MIPOL1: variants seen among roughly 807,000 people sequenced by gnomAD.
The protein encoded by MIPOL1 is mirror-image polydactyly 1, also known as mirror-image polydactyly gene 1 protein.
A neutral mutation model predicts 60.9 loss-of-function variants in MIPOL1; 57 were observed. The ratio of observed to expected loss-of-function variants is 0.94; its 90% CI spans 0.76 to 1.17. The LOEUF (loss-of-function observed/expected upper bound fraction) is 1.17. Ranked by LOEUF, MIPOL1 falls within the 50% of genes most tolerant of loss-of-function variation. MIPOL1 has a pLI of 0.00. For missense variants in MIPOL1, 551 were observed against 511.6 expected (o/e 1.08, Z -0.74); for synonymous variants, 179 against 168.8 (o/e 1.06, Z -0.47).
At chr14:37,351,006 C>G (rs1166198654) in intron 9 of MIPOL1, among the ~76,000 whole-genome samples, 1 of 150,272 alleles carries the variant, frequency 6.7e-6, no homozygotes, top group Non-Finnish European at 1.5e-5. Context: ...GCACTGCACC[C>G]ACTAACTCAT....
intron 12 of MIPOL1, chr14:37,506,045 G>A (rs987658742): frequency 1.3e-5 from 2 of 152,032 alleles, no homozygotes; most frequent in African/African-American, 2.4e-5. Context: ...AACTTACAAG[G>A]GATGTGAAGG....
chr14:37,272,315 A>G (rs1193264102), intron 6 of MIPOL1, among the ~76,000 whole-genome samples: 1 of 151,594 alleles, frequency 6.6e-6, no homozygotes, highest in Non-Finnish European at 1.5e-5. Flanking sequence ...TTTCCTCTTT[A>G]ATATTTTACT....
intron 9 of MIPOL1, among the ~76,000 whole-genome samples, chr14:37,333,285 G>A (rs1292017438): frequency 1.3e-5 from 2 of 151,906 alleles, no homozygotes; most frequent in South Asian, 2.1e-4. Context: ...TGTGTTCATG[G>A]TATACCTTTT....
chr14:37,382,191 C>A (rs1038238097), intron 10 of MIPOL1, among the ~76,000 whole-genome samples: 1 of 151,856 alleles, frequency 6.6e-6, no homozygotes, highest in African/African-American at 2.4e-5. Context: ...TAAAGTTGTG[C>A]CCTAAAGTGA....
At chr14:37,492,570 A>G (rs2095060816) in intron 11 of MIPOL1, among the ~76,000 whole-genome samples, 1 of 152,210 alleles carries the variant, frequency 6.6e-6, no homozygotes, top group African/African-American at 2.4e-5. Context: ...TTATTTTCAC[A>G]TATGTAGATC....
chr14:37,265,453 A>G (rs907975342), intron 3 of MIPOL1, among the ~76,000 whole-genome samples: 1 of 152,180 alleles, frequency 6.6e-6, no homozygotes, highest in Non-Finnish European at 1.5e-5. Flanking sequence ...AGTAGCTACC[A>G]CAAGACATAC....
At chr14:37,359,967 A>T (rs2092125329) in intron 9 of MIPOL1, among the ~76,000 whole-genome samples, 1 of 152,080 alleles carries the variant, frequency 6.6e-6, no homozygotes, top group Admixed American at 6.6e-5. Flanking sequence ...TGTCATAAAT[A>T]GCTCTTATTA....
intron 9 of MIPOL1, among the ~76,000 whole-genome samples, chr14:37,350,184 A>G (rs2091252735): frequency 6.6e-6 from 1 of 152,048 alleles, no homozygotes. Flanking sequence ...TAATCCTCCC[A>G]CTTCAGCCTC....
At chr14:37,261,701 G>T (rs548010073) in intron 3 of MIPOL1, among the ~76,000 whole-genome samples, 104 of 152,170 alleles carry the variant, frequency 6.8e-4, no homozygotes, top group Admixed American at 1.6e-3. Context: ...AATATTTATT[G>T]TATATTTTGT....
Position 37,232,466 on chromosome 14 carries a change from A to G in MIPOL1, c.-198-14637A>G, listed in dbSNP as rs563677399. Among the ~76,000 whole-genome samples the G allele has an allele frequency of 1.1e-4, 17 of 152,294 alleles. No homozygotes were observed. In the East Asian group the frequency reaches 1.7e-3, roughly 16 times the overall value. ...AAAGGAGAAACATACTAGTATTCCA[A>G]TGATCACCAGGACTTGAGCCATCCA... On this transcript the variant is annotated intron_variant, in intron 1 of 12. Transcript: ENST00000684589.
At chr14:37,300,292 A>G (rs1438388130) in intron 7 of MIPOL1, among the ~76,000 whole-genome samples, 4 of 146,616 alleles carry the variant, frequency 2.7e-5, no homozygotes, top group African/African-American at 1.0e-4. Flanking sequence ...TATATGTAAT[A>G]CTTTAATACA....
chr14:37,350,771 T>C lies in MIPOL1; in HGVS notation c.829-18746T>C, dbSNP rs564616228. Among the ~76,000 whole-genome samples the C allele has an allele frequency of 2.6e-4, 40 of 152,274 alleles. No homozygotes were observed. The East Asian group carries it at 6.8e-3, about 26-fold the overall frequency. ...CTGGTAGCCATCCTTCTAATCCCTG[T>C]GTCCATGAGTTCAATTGTTTTGATT... On this transcript the variant is annotated intron_variant, in intron 9 of 12. Transcript: ENST00000684589.
chr14:37,413,181 A>C (rs1398936283), intron 10 of MIPOL1, among the ~76,000 whole-genome samples: 6 of 152,154 alleles, frequency 3.9e-5, no homozygotes, highest in Non-Finnish European at 8.8e-5. Flanking sequence ...ATATGTGTGT[A>C]GTTACAACTC....
At chr14:37,324,587 A>T (rs573754860) in intron 9 of MIPOL1, among the ~76,000 whole-genome samples, 1 of 152,056 alleles carries the variant, frequency 6.6e-6, no homozygotes, top group Non-Finnish European at 1.5e-5. Flanking sequence ...CATCTAATTT[A>T]TCAGTATTTT....
At chr14:37,458,680 A>G (rs1040926411) in intron 11 of MIPOL1, among the ~76,000 whole-genome samples, 3 of 151,694 alleles carry the variant, frequency 2.0e-5, no homozygotes, top group East Asian at 3.9e-4. Context: ...ACACACACAC[A>G]TACACACAGA....
chr14:37,367,961 T>G (rs983797819), intron 9 of MIPOL1, among the ~76,000 whole-genome samples: 1 of 152,062 alleles, frequency 6.6e-6, no homozygotes, highest in African/African-American at 2.4e-5. Flanking sequence ...CAGTTTAATA[T>G]GTAGATCATG....
chr14:37,307,969 T>C (rs749214795), intron 7 of MIPOL1, 87 bp from the exon 8 acceptor site: 41 of 1,065,696 alleles, frequency 3.8e-5, no homozygotes, highest in Non-Finnish European at 5.7e-5. Flanking sequence ...TGAAATTACT[T>C]GAGGTTCTAA....
chr14:37,361,197 T>C (rs1481120890), intron 9 of MIPOL1, among the ~76,000 whole-genome samples: 1 of 152,202 alleles, frequency 6.6e-6, no homozygotes, highest in East Asian at 1.9e-4. Context: ...TTGTTGTGAT[T>C]TCTGTTCTTT....
chr14:37,321,954 A>C (rs1243371881), intron 9 of MIPOL1, among the ~76,000 whole-genome samples: 1 of 151,962 alleles, frequency 6.6e-6, no homozygotes, highest in Non-Finnish European at 1.5e-5. Context: ...ACATATGGAA[A>C]ATTTGTATGA....
Sources: allele counts gnomAD v4.1 joint callset (sites outside exome capture counted in the v4.1 genomes callset), GRCh38; gene constraint gnomAD v4.1.1; transcripts MANE v1.5; gene names NCBI Gene and HGNC (gene_info 2026-07-23, HGNC 2026-07-21).